The following RGS7 variants were observed in gnomAD, a reference collection of about 807,000 sequenced individuals.
RGS7 encodes regulator of G protein signaling 7.
In RGS7, 27 loss-of-function variants were observed where a neutral mutation model predicts 81.1. That is an observed-to-expected ratio of 0.33 (90% confidence interval 0.25 to 0.46). RGS7 has a LOEUF of 0.46. Ranked by LOEUF, RGS7 falls within the 20% of genes least tolerant of loss-of-function variation. The pLI is 1.00. For synonymous variants in RGS7, 208 were observed against 207.7 expected, an observed-to-expected ratio of 1.00 and a Z score of -0.01; for missense variants, 396 against 607.4, an observed-to-expected ratio of 0.65 and a Z score of 3.66.
At chr1:241,207,226 CA>C (rs2073965590) in intron 2 of RGS7, among the ~76,000 whole-genome samples, 1 of 149,876 alleles carries the variant, frequency 6.7e-6, no homozygotes, top group African/African-American at 2.4e-5. Flanking sequence ...CTCGGCCTCC[CA>C]AAGTCTCTTT....
chr1:241,180,991 A>G (rs967140461), intron 2 of RGS7, among the ~76,000 whole-genome samples: 1 of 152,256 alleles, frequency 6.6e-6, no homozygotes, highest in East Asian at 1.9e-4. Context: ...ACTACATAAC[A>G]TTCTGGATAA....
intron 3 of RGS7, chr1:240,998,408 TAAG>T: frequency 1.0e-5 from 6 of 598,562 alleles, no homozygotes; most frequent in African/African-American, 1.9e-5. Flanking sequence ...TTTTTTTTTT[TAAG>T]TTCAGCTTTT....
In RGS7 at chr1:240,993,922, T is replaced by C. The variant is rs879733518; in HGVS notation, c.176-10793A>G. Among the ~76,000 whole-genome samples the C allele has an allele frequency of 5.3e-5, 8 of 152,316 alleles. No homozygotes were observed. The South Asian group carries it at 8.3e-4, about 16-fold the overall frequency. Reference sequence around the variant, plus strand: ...TGTCCAATAGCTCTAGCACCATTTCTTGACAAAGCTATCTTTCCTCAGTTG... The same window carrying C: ...TGTCCAATAGCTCTAGCACCATTTCCTGACAAAGCTATCTTTCCTCAGTTG... On this transcript the variant is annotated intron_variant, in intron 3 of 18. Transcript: ENST00000440928.
intron 2 of RGS7, among the ~76,000 whole-genome samples, chr1:241,247,321 T>C (rs1344700382): frequency 1.3e-5 from 2 of 152,230 alleles, no homozygotes; most frequent in African/African-American, 2.4e-5. Flanking sequence ...AATGCTATTA[T>C]TATTTGGAAG....
At chr1:241,166,718 G>A (rs1298036218) in intron 2 of RGS7, among the ~76,000 whole-genome samples, 1 of 152,140 alleles carries the variant, frequency 6.6e-6, no homozygotes, top group African/African-American at 2.4e-5. Context: ...AGAACCCTGG[G>A]CCCCAAAGCT....
chr1:241,276,464 A>G lies in RGS7; in HGVS notation c.78+79235T>C, dbSNP rs1252269876. 2.0e-5 allele frequency among the ~76,000 whole-genome samples: 3 copies of G among 152,192 alleles called. No homozygotes were observed. In the East Asian group the frequency reaches 5.8e-4, roughly 29 times the overall value. On this transcript the variant is annotated intron_variant, in intron 2 of 18. Transcript: ENST00000440928. ...ATATAGTTCTTAAAGAAGAGTAGGA[A>G]ATGGCTTAGAAGTGATAGTTTTATT...
At chr1:240,972,302 T>C (rs1236522373) in intron 4 of RGS7, among the ~76,000 whole-genome samples, 1 of 150,970 alleles carries the variant, frequency 6.6e-6, no homozygotes, top group African/African-American at 2.4e-5. Flanking sequence ...AAGCCAAATG[T>C]CCAACAATGA....
intron 10 of RGS7, among the ~76,000 whole-genome samples, chr1:240,819,483 G>C (rs1691395880): frequency 6.6e-6 from 1 of 152,214 alleles, no homozygotes; most frequent in African/African-American, 2.4e-5. Flanking sequence ...GCTCATGCCT[G>C]TAATCCCAGT....
intron 18 of RGS7, among the ~76,000 whole-genome samples, chr1:240,799,853 C>T (rs12731644): frequency 0.053 from 8,056 of 152,152 alleles, 299 homozygotes; most frequent in South Asian, 0.083. Flanking sequence ...ATCAGTCCTC[C>T]CTTCCCCTTG....
chr1:241,355,969 A>T (rs1397696115), intron 1 of RGS7, 143 bp from the exon 2 acceptor site: 5 of 628,940 alleles, frequency 7.9e-6, no homozygotes, highest in Non-Finnish European at 1.4e-5. Flanking sequence ...TGGATTTTTT[A>T]AAAAGTGAGT....
At position 241,062,142 on chromosome 1, in the gene RGS7, A is replaced by G. The variant is rs142098332; in HGVS notation, c.175+36524T>C. On this transcript the variant is annotated intron_variant, in intron 3 of 18. Coordinates refer to ENST00000440928, the MANE Select transcript of RGS7 (RefSeq NM_001364886.1). ...ATCTTTCGAGTGGTTAGATACCCAC[A>G]TGGAAAGGGCTTCCTTCTCATGAAA... Among the ~76,000 whole-genome samples, 660 of 152,362 alleles carry G rather than the reference A, an allele frequency of 4.3e-3. 8 individuals carry two copies. The highest frequency in any genetic ancestry group is 0.019 in the Admixed American group (292 of 15,298).
At chr1:241,258,731 C>T (rs1263411049) in intron 2 of RGS7, among the ~76,000 whole-genome samples, 1 of 152,144 alleles carries the variant, frequency 6.6e-6, no homozygotes, top group Non-Finnish European at 1.5e-5. Flanking sequence ...GTGAACATCA[C>T]TGAAGCCTGA....
chr1:240,966,167 T>TA (rs978078165), intron 4 of RGS7, among the ~76,000 whole-genome samples: 82 of 150,572 alleles, frequency 5.4e-4, no homozygotes, highest in Non-Finnish European at 9.5e-4. Flanking sequence ...CTAAACTATA[T>TA]AAAAAAAAAG....
Position 240,998,488 on chromosome 1 carries a change from G to A in RGS7, c.176-15359C>T, listed in dbSNP as rs544609913. On this transcript the variant is annotated intron_variant, in intron 3 of 18. Coordinates refer to ENST00000440928, the MANE Select transcript of RGS7 (RefSeq NM_001364886.1). ...AGCCCATGTCACCATCAGACTTCTCGGATTCTTCTTTCTTTGCTTCCACTT... is the reference window on the plus strand; with the variant it reads ...AGCCCATGTCACCATCAGACTTCTCAGATTCTTCTTTCTTTGCTTCCACTT... The A allele has an allele frequency of 9.4e-5, 97 of 1,034,250 alleles. 1 individual carries two copies. The South Asian group carries it at 1.0e-3, about 11-fold the overall frequency. The allele number at this position is 1,034,250 out of a possible 1,614,324, so 64.1% of individuals were successfully genotyped here. A position where few individuals can be genotyped will look rare whatever the true frequency, so the allele number is the denominator to read the frequency against.
chr1:241,280,615 A>G (rs2078447339), intron 2 of RGS7, among the ~76,000 whole-genome samples: 1 of 152,206 alleles, frequency 6.6e-6, no homozygotes, highest in African/African-American at 2.4e-5. Context: ...CTCCTGCCTC[A>G]GCCTCCTGAG....
intron 6 of RGS7, among the ~76,000 whole-genome samples, chr1:240,929,813 C>T (rs1381131446): frequency 2.6e-5 from 4 of 152,148 alleles, no homozygotes. Context: ...CTGGAAGACC[C>T]CAGGGAAAGT....
intron 2 of RGS7, among the ~76,000 whole-genome samples, chr1:241,183,104 G>T (rs549240531): frequency 6.6e-6 from 1 of 152,034 alleles, no homozygotes; most frequent in South Asian, 2.1e-4. Context: ...CAGTCTGCTG[G>T]CTGGGTTCTT....
At position 241,259,667 on chromosome 1, in the gene RGS7, A is replaced by AAAAATATATATAT; in HGVS notation, c.78+96031_78+96032insATATATATATTTT. Among the ~76,000 whole-genome samples the AAAAATATATATAT allele has an allele frequency of 1.5e-3, 72 of 49,132 alleles. 2 individuals are homozygous for AAAAATATATATAT. Among genetic ancestry groups the AAAAATATATATAT allele is most frequent in the African/African-American group, 5.4e-3 (68 of 12,582 alleles). The allele number at this position is 49,132 out of a possible 152,430, so 32.2% of individuals were successfully genotyped here. A position where few individuals can be genotyped will look rare whatever the true frequency, so the allele number is the denominator to read the frequency against. On this transcript the variant is annotated intron_variant, in intron 2 of 18. Coordinates refer to ENST00000440928, the MANE Select transcript of RGS7 (RefSeq NM_001364886.1). ...CTCCGTCTCAAAAAAAAAAAAAAAA[A>AAAAATATATATAT]ATATATATATATATATATAATTAAA...
At chr1:240,780,439 CA>C (rs34568911) in intron 18 of RGS7, among the ~76,000 whole-genome samples, 2,545 of 40,048 alleles carry the variant, frequency 0.064, 29 homozygotes, top group East Asian at 0.12. Flanking sequence ...GACTCTGTCT[CA>C]AAAAAAAAAA....
Sources: gnomAD v4.1 joint callset for allele counts (sites outside exome capture counted in the v4.1 genomes callset) on GRCh38, gnomAD v4.1.1 for gene constraint, MANE v1.5 for transcripts, NCBI Gene and HGNC (gene_info 2026-07-23, HGNC 2026-07-21) for gene names.